The following PALM2AKAP2 variants were observed in gnomAD, a reference collection of about 807,000 sequenced individuals.
PALM2AKAP2 encodes PALM2-AKAP2 fusion protein.
In PALM2AKAP2, 37 loss-of-function variants were observed where a neutral mutation model predicts 71.5. That is an observed-to-expected ratio of 0.52 (90% CI 0.40 to 0.68). The LOEUF (loss-of-function observed/expected upper bound fraction) is 0.68, where lower values mean the gene tolerates loss of function less well. Ranked by LOEUF, PALM2AKAP2 falls within the 30% of genes least tolerant of loss-of-function variation. The pLI, the probability that PALM2AKAP2 is intolerant of heterozygous loss-of-function variation, is 0.00. For synonymous variants in PALM2AKAP2, 468 were observed against 478.8 expected, an observed-to-expected ratio of 0.98 and a Z score of 0.29; for missense variants, 1,224 against 1,191.8, an observed-to-expected ratio of 1.03 and a Z score of -0.40.
At chr9:110,009,115 C>T (rs184942929) in intron 6 of PALM2AKAP2, among the ~76,000 whole-genome samples, 8 of 152,256 alleles carry the variant, frequency 5.3e-5, no homozygotes, top group Admixed American at 1.3e-4. Flanking sequence ...TTTCCACTCT[C>T]TTGCACATTC....
At position 110,133,781 on chromosome 9, in the gene PALM2AKAP2, C is replaced by G. The variant is rs530499613; in HGVS notation, c.157-2346C>G. 2.6e-5 allele frequency among the ~76,000 whole-genome samples: 4 copies of G among 152,200 alleles called. No individual in the cohort carries two copies. In the South Asian group the frequency reaches 8.3e-4, roughly 32 times the overall value. ...CAGGGGTGAGGGTGCCATAGGTAAT[C>G]TGACTCATCTTAGCAGTACCGTGAA... On this transcript the variant is annotated intron_variant, in intron 1 of 3. Coordinates refer to ENST00000374525, the Ensembl canonical transcript of PALM2AKAP2.
intron 1 of PALM2AKAP2, among the ~76,000 whole-genome samples, chr9:109,691,923 TAC>T (rs1449282274): frequency 2.5e-5 from 3 of 119,562 alleles, no homozygotes; most frequent in Non-Finnish European, 3.3e-5. Flanking sequence ...TATATATATA[TAC>T]ACATATATAT....
At chr9:109,936,194 T>C (rs1831214208) in intron 6 of PALM2AKAP2, among the ~76,000 whole-genome samples, 1 of 152,232 alleles carries the variant, frequency 6.6e-6, no homozygotes, top group South Asian at 2.1e-4. Context: ...AATGAGGATA[T>C]CCATCATCTC....
At chr9:109,939,264 G>T (rs1199590232) in intron 6 of PALM2AKAP2, among the ~76,000 whole-genome samples, 5 of 152,156 alleles carry the variant, frequency 3.3e-5, no homozygotes, top group African/African-American at 1.2e-4. Flanking sequence ...TTCCAGCAAA[G>T]AACTTTTCAT....
intron 1 of PALM2AKAP2, among the ~76,000 whole-genome samples, chr9:109,807,976 T>A (rs1379231112): frequency 6.6e-6 from 1 of 152,240 alleles, no homozygotes; most frequent in Non-Finnish European, 1.5e-5. Context: ...ACATGTTTGC[T>A]TGCCCTTCTG....
intron 1 of PALM2AKAP2, among the ~76,000 whole-genome samples, chr9:109,683,525 C>T (rs1253801409): frequency 6.6e-6 from 1 of 152,160 alleles, no homozygotes; most frequent in Non-Finnish European, 1.5e-5. Flanking sequence ...AAGGACCAAA[C>T]CTGCTGACAC....
chr9:109,924,076 T>C (rs1458522209), intron 4 of PALM2AKAP2, among the ~76,000 whole-genome samples: 2 of 151,874 alleles, frequency 1.3e-5, no homozygotes, highest in African/African-American at 4.8e-5. Flanking sequence ...TAGGGAAGAG[T>C]CATTAGATTA....
chr9:109,986,862 C>A (rs528327179), intron 6 of PALM2AKAP2, among the ~76,000 whole-genome samples: 3 of 152,326 alleles, frequency 2.0e-5, no homozygotes, highest in Non-Finnish European at 4.4e-5. Flanking sequence ...TTTCCTAAAG[C>A]ACATGCCCCT....
chr9:110,010,704 T>C (rs530156220), intron 6 of PALM2AKAP2, among the ~76,000 whole-genome samples: 2 of 148,682 alleles, frequency 1.3e-5, no homozygotes, highest in African/African-American at 4.9e-5. Context: ...ATTTATAGAA[T>C]GTATATACTT....
Position 110,020,639 on chromosome 9 carries a change from C to T in PALM2AKAP2, c.582+4600C>T, listed in dbSNP as rs540287406. Among the ~76,000 whole-genome samples the T allele has an allele frequency of 6.6e-5, 10 of 152,018 alleles. No individual in the cohort carries two copies. In the East Asian group the frequency reaches 1.2e-3, roughly 18 times the overall value. Reference sequence around the variant, plus strand: ...TGGAGGTTGCAGTAAGCTGAGATCACGCCACTGCACTCCAGCCTGCATGAC... The same window carrying T: ...TGGAGGTTGCAGTAAGCTGAGATCATGCCACTGCACTCCAGCCTGCATGAC... On this transcript the variant is annotated intron_variant, in intron 7 of 9. Transcript: ENST00000302798.
At chr9:109,700,408 G>A (rs1828035919) in intron 1 of PALM2AKAP2, among the ~76,000 whole-genome samples, 1 of 152,100 alleles carries the variant, frequency 6.6e-6, no homozygotes, top group Non-Finnish European at 1.5e-5. Flanking sequence ...ATGATTTTGA[G>A]GCCTCCCCAG....
At chr9:109,939,733 A>C (rs536520256) in intron 6 of PALM2AKAP2, among the ~76,000 whole-genome samples, 34 of 152,348 alleles carry the variant, frequency 2.2e-4, no homozygotes, top group African/African-American at 8.2e-4. Context: ...TTTTGTGAGA[A>C]ATCAGGAACT....
exon 2 of PALM2AKAP2, chr9:110,138,285 A>G (rs776496960): frequency 6.2e-7 from 1 of 1,614,256 alleles, no homozygotes. Context: ...TATTTCAGCA[A>G]GTACTCGGAG....
At chr9:109,785,136 G>A (rs183152113) in intron 1 of PALM2AKAP2, among the ~76,000 whole-genome samples, 4 of 152,310 alleles carry the variant, frequency 2.6e-5, no homozygotes, top group East Asian at 1.9e-4. Context: ...TAAGAGCCAC[G>A]TGGACAAGGC....
rs151045694 is a variant in PALM2AKAP2, at chr9:110,122,401, G to A, written c.157-13726G>A. Among the ~76,000 whole-genome samples the A allele has an allele frequency of 1.3e-4, 20 of 152,312 alleles. 1 individual carries two copies. Among genetic ancestry groups the A allele is most frequent in the African/African-American group, 4.6e-4 (19 of 41,572 alleles). On this transcript the variant is annotated intron_variant, in intron 1 of 3. Transcript: ENST00000374525. ...GGTCTGCTCCTTCCTGAGCTGCCTG[G>A]TGCGGCTTCTATGAGCACTGCTGCA...
intron 1 of PALM2AKAP2, among the ~76,000 whole-genome samples, chr9:109,650,416 T>C (rs966085882): frequency 2.0e-5 from 3 of 150,876 alleles, no homozygotes; most frequent in African/African-American, 7.3e-5. Context: ...AATTTATTCA[T>C]TTATTTATTT....
At chr9:109,950,292 C>CAA (rs539292920) in intron 6 of PALM2AKAP2, among the ~76,000 whole-genome samples, 2,407 of 137,694 alleles carry the variant, frequency 0.017, 63 homozygotes, top group African/African-American at 0.061. Flanking sequence ...GACTCTGTCT[C>CAA]AAAAAAAAAA....
chr9:110,097,825 G>A (rs1219212937), intron 1 of PALM2AKAP2, among the ~76,000 whole-genome samples: 2 of 139,996 alleles, frequency 1.4e-5, no homozygotes, highest in Non-Finnish European at 3.0e-5. Flanking sequence ...GGAGGTGGAT[G>A]TTGTAGCGAG....
intron 6 of PALM2AKAP2, among the ~76,000 whole-genome samples, chr9:109,971,180 C>T (rs56205019): frequency 4.6e-5 from 7 of 151,770 alleles, no homozygotes; most frequent in African/African-American, 1.7e-4. Flanking sequence ...ATGCCTAGAA[C>T]CATGCCTGGC....
Sources: allele counts gnomAD v4.1 joint callset (sites outside exome capture counted in the v4.1 genomes callset), GRCh38; gene constraint gnomAD v4.1.1; transcripts MANE v1.5; gene names NCBI Gene and HGNC (gene_info 2026-07-23, HGNC 2026-07-21).